Variants in SVEP1 observed in about 807,000 individuals in gnomAD.
SVEP1 encodes the protein sushi, von Willebrand factor type A, EGF and pentraxin domain containing 1, also known as sushi, von Willebrand factor type A, EGF and pentraxin domain-containing protein 1.
Under a neutral mutation model 367.3 loss-of-function variants are expected in SVEP1, and 164 were observed. The ratio of observed to expected loss-of-function variants is 0.45; its 90% CI spans 0.39 to 0.51. The LOEUF (loss-of-function observed/expected upper bound fraction) is 0.51, where lower values mean the gene tolerates loss of function less well. SVEP1 is among the 20% of genes least tolerant of loss of function. The pLI is 0.00. For missense variants in SVEP1, 4,117 were observed against 4,425.3 expected (o/e 0.93, Z 1.98); for synonymous variants, 1,666 against 1,611.6 (o/e 1.03, Z -0.81).
Position 110,541,899 on chromosome 9 carries a change from C to A in SVEP1, c.964+4216G>T, listed in dbSNP as rs558197974. ...TATATATATCTATATACATAGATATCTATATATATCTATATACATAGATAT... is the reference window on the plus strand; with the variant it reads ...TATATATATCTATATACATAGATATATATATATATCTATATACATAGATAT... On this transcript the variant is annotated intron_variant, in intron 3 of 47. Transcript: ENST00000374469. Among the ~76,000 whole-genome samples, 391 of 145,284 alleles carry A rather than the reference C, an allele frequency of 2.7e-3. 3 individuals are homozygous for A. Among genetic ancestry groups the A allele is most frequent in the African/African-American group, 9.2e-3 (363 of 39,542 alleles).
At position 110,435,254 on chromosome 9, in the gene SVEP1, G is replaced by C. The variant is rs1223633072; in HGVS notation, c.4875C>G (p.Ser1625Arg). 6.2e-7 allele frequency: 1 copy of C among 1,612,996 alleles called. No individual in the cohort carries two copies. The highest frequency in any genetic ancestry group is 1.7e-5 in the Admixed American group (1 of 59,958). ...GGAAATTCTCACCAGAACAAAATAT[G>C]CTCTTAGAATCGATCTTCACTTTCC... ...IVGKVKIDSK[S>R]IFCSDCPRLG... The change falls in exon 29 of 48, where the codon AGC becomes AGG. Residue 1625 changes from serine to arginine, a missense_variant. Physicochemically the swap from Ser to Arg is moderately radical, Grantham distance 110. Coordinates refer to ENST00000374469, the MANE Select transcript of SVEP1 (RefSeq NM_153366.4).
Position 110,406,480 on chromosome 9 carries a change from T to A in SVEP1, c.9120A>T (p.Gly3040=). 6.2e-7 allele frequency: 1 copy of A among 1,613,840 alleles called. No homozygotes were observed. The highest frequency in any genetic ancestry group is 8.5e-7 in the Non-Finnish European group (1 of 1,179,874). The change falls in exon 38 of 48, where the codon GGA becomes GGT. Residue 3040 remains glycine (G), a synonymous_variant. Coordinates refer to ENST00000374469, the MANE Select transcript of SVEP1 (RefSeq NM_153366.4). ...CGGCTTCACAGGTGATTTCAGAAAG[T>A]CCTAGGAGCTTGAAGCCTTTGAAGC... The part of the protein sequence containing the change: ...IQCFKGFKLL[G]LSEITCEADG...
chr9:110,578,854 T>C (rs150943853), intron 1 of SVEP1, among the ~76,000 whole-genome samples, 159 bp downstream of exon 1: 272 of 152,176 alleles, frequency 1.8e-3, no homozygotes, highest in Non-Finnish European at 3.1e-3. Context: ...ACAACAATAA[T>C]AGGCGGGTAG....
In SVEP1 at chr9:110,369,937, T is replaced by A; in HGVS notation, c.10680A>T (p.Gly3560=). ...GGTTATCTTACCTGGAACAGTTATG[T>A]CCCGTCCAAGAAGAAAGACAGTGAC... is the stretch of plus-strand genomic sequence containing the variant. ...NRCHCLSSWT[G]HNCSRKRRTG... is the part of the protein sequence containing the mutation. The change falls in exon 47 of 48, where the codon GGA becomes GGT. Residue 3560 remains glycine, a synonymous_variant. Coordinates refer to ENST00000374469, the MANE Select transcript of SVEP1 (RefSeq NM_153366.4). 3 of 1,613,078 alleles carry A rather than the reference T, an allele frequency of 1.9e-6. No individual in the cohort carries two copies. Among genetic ancestry groups the A allele is most frequent in the Non-Finnish European group, 2.5e-6 (3 of 1,179,442 alleles).
At position 110,579,348 on chromosome 9, in the gene SVEP1, G is replaced by A; in HGVS notation, c.196C>T (p.Gln66Ter). 1.3e-6 allele frequency: 2 copies of A among 1,554,482 alleles called. No individual in the cohort carries two copies. The highest frequency in any genetic ancestry group is 1.7e-6 in the Non-Finnish European group (2 of 1,150,156). The stretch of plus-strand genomic sequence containing the variant: ...AGCCGCACGCGTCGCCGGAACGCCT[G>A]GCCCAGCCGCTCCACTCTGCTCCCC... ...AAGSRVERLGQAFRRRVRLLR... is the reference protein window; with the variant it reads ...AAGSRVERLG Residue 66 changes from glutamine to a stop codon, truncating the protein, a stop_gained, in exon 1 of 48, where the codon CAG (glutamine) becomes TAG (stop). Transcript: ENST00000374469. LOFTEE classifies it high-confidence loss of function. This position sits in a 1 kb window ranked among gnomAD's most constrained non-coding sequence, Gnocchi z 5.3.
chr9:110,506,022 T>C (rs1448865046), intron 5 of SVEP1, among the ~76,000 whole-genome samples: 2 of 152,186 alleles, frequency 1.3e-5, no homozygotes, highest in East Asian at 1.9e-4. Context: ...CCTGTGTCCA[T>C]ATATTCTCAT....
At chr9:110,476,102 A>G (rs1829093413) in intron 14 of SVEP1, 102 bp downstream of exon 14, 1 of 681,590 alleles carries the variant, frequency 1.5e-6, no homozygotes, top group Non-Finnish European at 2.5e-6. Context: ...TTGATGAATA[A>G]ATTAATAGAA....
At chr9:110,501,117 T>C (rs1318483758) in intron 6 of SVEP1, among the ~76,000 whole-genome samples, 3 of 147,928 alleles carry the variant, frequency 2.0e-5, no homozygotes, top group African/African-American at 7.3e-5. Flanking sequence ...ATATATAAAT[T>C]ATAAAATAAT....
chr9:110,406,376 A>G lies in SVEP1; in HGVS notation c.9224T>C (p.Ile3075Thr). ...TTCCTTCCAAGAGCTGGTCTCACTG[A>G]TGAACGCATTTGGTATCATTGGAAG... ...GSLPMIPNAF[I>T]SETSSWKENV... The change falls in exon 38 of 48, where the codon ATC (isoleucine) becomes ACC (threonine). Residue 3075 changes from isoleucine (I) to threonine (T), a missense_variant. Ile to Thr is a moderately conservative substitution (Grantham distance 89). Coordinates refer to ENST00000374469, the MANE Select transcript of SVEP1 (RefSeq NM_153366.4). 1 of 1,614,052 alleles carries G rather than the reference A, an allele frequency of 6.2e-7. No homozygotes were observed. The highest frequency in any genetic ancestry group is 2.2e-5 in the East Asian group (1 of 44,886).
chr9:110,412,546 G>A lies in SVEP1; in HGVS notation c.5976-811C>T, dbSNP rs554504815. Reference sequence around the variant, plus strand: ...AACAAAAGACAAAATTGACAAATGGGATCTAATTAAACTAAAGAGCTTCTG... The same window carrying A: ...AACAAAAGACAAAATTGACAAATGGAATCTAATTAAACTAAAGAGCTTCTG... On this transcript the variant is annotated intron_variant, in intron 36 of 47. Transcript: ENST00000374469. 1.8e-4 allele frequency among the ~76,000 whole-genome samples: 27 copies of A among 151,998 alleles called. No individual in the cohort carries two copies. In the Middle Eastern group the frequency reaches 0.014, roughly 77 times the overall value.
chr9:110,466,668 G>GGCAA (rs1828942092), intron 17 of SVEP1, among the ~76,000 whole-genome samples: 1 of 145,022 alleles, frequency 6.9e-6, no homozygotes, highest in Non-Finnish European at 1.5e-5. Flanking sequence ...GGCTGAGGCA[G>GGCAA]GAGAATGGCG....
intron 1 of SVEP1, among the ~76,000 whole-genome samples, chr9:110,559,521 G>A (rs1291967526): frequency 6.6e-6 from 1 of 150,626 alleles, no homozygotes; most frequent in East Asian, 1.9e-4. Flanking sequence ...TAGTAACACT[G>A]TTTTTTTTTA....
chr9:110,570,855 A>T (rs1161436346), intron 1 of SVEP1, among the ~76,000 whole-genome samples: 3 of 152,172 alleles, frequency 2.0e-5, no homozygotes, highest in African/African-American at 4.8e-5. Context: ...ATTTTCAGTC[A>T]AGGCCAGACT....
intron 5 of SVEP1, among the ~76,000 whole-genome samples, chr9:110,508,984 T>G (rs552627607): frequency 1.3e-5 from 2 of 152,138 alleles, no homozygotes; most frequent in Non-Finnish European, 2.9e-5. Context: ...CACATATTTT[T>G]GAGAAAGTAT....
chr9:110,437,823 A>G (rs1418740127), intron 27 of SVEP1, among the ~76,000 whole-genome samples: 3 of 151,770 alleles, frequency 2.0e-5, no homozygotes, highest in South Asian at 2.1e-4. Flanking sequence ...AAAGTCAACT[A>G]CTCTTTCAAT....
At chr9:110,417,037 G>C (rs1169781) in intron 36 of SVEP1, among the ~76,000 whole-genome samples, 126,914 of 151,596 alleles carry the variant, frequency 0.84, 53,339 homozygotes, top group East Asian at 0.99. Context: ...AAGGAATTCT[G>C]AATAGCAACA....
At chr9:110,508,991 GTATAA>G (rs968972041) in intron 5 of SVEP1, among the ~76,000 whole-genome samples, 4 of 152,056 alleles carry the variant, frequency 2.6e-5, no homozygotes, top group African/African-American at 4.8e-5. Context: ...TTTTGAGAAA[GTATAA>G]TATAACTAAA....
At chr9:110,479,099 T>G (rs1829145330) in intron 13 of SVEP1, among the ~76,000 whole-genome samples, 2 of 152,154 alleles carry the variant, frequency 1.3e-5, no homozygotes, top group Middle Eastern at 3.4e-3. Context: ...TTTGTATTTT[T>G]ACTAGAGACG....
intron 41 of SVEP1, among the ~76,000 whole-genome samples, chr9:110,387,912 G>T (rs182821789): frequency 6.6e-6 from 1 of 152,034 alleles, no homozygotes; most frequent in Non-Finnish European, 1.5e-5. Flanking sequence ...GCGTGTCTCC[G>T]ATATTGCATA....
Sources: allele counts gnomAD v4.1 joint callset (sites outside exome capture counted in the v4.1 genomes callset), GRCh38; gene constraint gnomAD v4.1.1; non-coding constraint Gnocchi (gnomAD v3.1); transcripts MANE v1.5; gene names NCBI Gene and HGNC (gene_info 2026-07-23, HGNC 2026-07-21).